The following USP8 variants were observed in gnomAD, a reference collection of about 807,000 sequenced individuals.
USP8 encodes the protein ubiquitin carboxyl-terminal hydrolase 8.
USP8 carries 27 observed loss-of-function variants against 130.0 expected under a neutral mutation model. The observed-to-expected ratio is 0.21, with a 90% CI of 0.15 to 0.29. The LOEUF (loss-of-function observed/expected upper bound fraction) is 0.29. USP8 is among the 10% of genes least tolerant of loss of function. The pLI, the probability that USP8 is intolerant of heterozygous loss-of-function variation, is 1.00. For synonymous variants in USP8, 392 were observed against 444.1 expected (o/e 0.88, Z 1.48); for missense variants, 1,029 against 1,312.2 (o/e 0.78, Z 3.33).
chr15:50,462,148 G>A lies in USP8; in HGVS notation c.499-132G>A, dbSNP rs543938350. On this transcript the variant is annotated intron_variant, in intron 5 of 19. Transcript: ENST00000307179. ...TTTAATATCATTATTATTCGTCTGC[G>A]TTTTTATAAAAGGCCAGTACTCTGC... 2.6e-3 allele frequency: 1,664 copies of A among 645,214 alleles called. 6 individuals are homozygous for A. The highest frequency in any genetic ancestry group is 2.6e-3 in the Non-Finnish European group (1,013 of 388,752). 40.0% of individuals were successfully genotyped at this position (645,214 alleles called of 1,614,324 possible).
In USP8 at chr15:50,455,680, G is replaced by A. The variant is rs188748308; in HGVS notation, c.336-3320G>A. ...TCTGAATAGTTTTGTTGTTGTTGTT[G>A]TTGTTGTTTTGTCCCACTAGGCAGT... On this transcript the variant is annotated intron_variant, in intron 4 of 19. Transcript: ENST00000307179. 1.7e-4 allele frequency among the ~76,000 whole-genome samples: 26 copies of A among 152,224 alleles called. No homozygotes were observed. In the East Asian group the frequency reaches 5.0e-3, roughly 29 times the overall value.
chr15:50,430,104 T>G (rs2141244367), intron 1 of USP8, among the ~76,000 whole-genome samples: 1 of 152,294 alleles, frequency 6.6e-6, no homozygotes, highest in East Asian at 1.9e-4. Context: ...AGGCAGAAAC[T>G]TTATTAAGAG....
intron 7 of USP8, 137 bp from the exon 8 acceptor site, chr15:50,471,496 A>G: frequency 1.2e-6 from 1 of 819,130 alleles, no homozygotes; most frequent in Non-Finnish European, 1.9e-6. Context: ...TTAATATATA[A>G]CCTCACCTTA....
chr15:50,434,118 T>TGTTTTGTTTC (rs1417196230), intron 1 of USP8, among the ~76,000 whole-genome samples: 1 of 151,946 alleles, frequency 6.6e-6, no homozygotes, highest in African/African-American at 2.4e-5. Context: ...TGTTTTGTTT[T>TGTTTTGTTTC]GTTTTGTTTT....
chr15:50,494,043 C>A, intron 15 of USP8, 27 bp from the exon 16 acceptor site: 1 of 1,591,374 alleles, frequency 6.3e-7, no homozygotes, highest in Non-Finnish European at 8.5e-7. Flanking sequence ...CCTTTATTGT[C>A]TTTTGTAACA....
At chr15:50,436,386 CTT>C (rs1298563155) in intron 1 of USP8, among the ~76,000 whole-genome samples, 1 of 152,122 alleles carries the variant, frequency 6.6e-6, no homozygotes, top group Non-Finnish European at 1.5e-5. Context: ...AATCTTCTCT[CTT>C]AATTTTTCTT....
intron 9 of USP8, 109 bp downstream of exon 9, chr15:50,477,102 G>T: frequency 2.1e-6 from 3 of 1,450,164 alleles, no homozygotes; most frequent in Non-Finnish European, 1.9e-6. Context: ...TTAGAGAGCA[G>T]TTTGTTTTCA....
At position 50,462,305 on chromosome 15, in the gene USP8, G is replaced by T; in HGVS notation, c.524G>T (p.Cys175Phe). The T allele has an allele frequency of 1.2e-6, 2 of 1,602,086 alleles. No homozygotes were observed. Among genetic ancestry groups the T allele is most frequent in the Admixed American group, 1.8e-5 (1 of 56,678 alleles). Residue 175 changes from cysteine (C) to phenylalanine (F), a missense_variant, in exon 6 of 20, where the codon TGT becomes TTT. Cys to Phe is a radical substitution (Grantham distance 205). Around this residue, in one of 4 missense-constraint regions of USP8, gnomAD observed 281 missense variants for 336.7 expected, o/e 0.83. Coordinates refer to ENST00000307179, the MANE Select transcript of USP8 (RefSeq NM_005154.5). ...QKSNGEKNEK[C>F]ETKEKGAITA... ...AGCAATGGTGAAAAGAATGAAAAAT[G>T]TGAGACCAAAGAGAAAGGTAAGTGT...
Position 50,500,684 on chromosome 15 carries a change from G to T in USP8, c.*1596G>T. The T allele has an allele frequency of 1.5e-6, 2 of 1,324,426 alleles. No individual in the cohort carries two copies. Among genetic ancestry groups the T allele is most frequent in the Non-Finnish European group, 2.1e-6 (2 of 942,850 alleles). The allele number at this position is 1,324,426 out of a possible 1,614,324, so 82.0% of individuals were successfully genotyped here. A position where few individuals can be genotyped will look rare whatever the true frequency, so the allele number is the denominator to read the frequency against. ...CGCTTTTGTATTGGTATGGAAAAGG[G>T]CTGGCAGCTATAGAACAGGAGATCC... On this transcript the variant is annotated 3_prime_UTR_variant, in exon 20 of 20. Transcript: ENST00000307179.
intron 7 of USP8, among the ~76,000 whole-genome samples, chr15:50,470,840 C>T (rs1212361991): frequency 6.6e-6 from 1 of 151,848 alleles, no homozygotes; most frequent in Non-Finnish European, 1.5e-5. Context: ...TCAGGTGATC[C>T]ACCCGCCTCA....
At chr15:50,461,763 G>A (rs900826733) in intron 5 of USP8, among the ~76,000 whole-genome samples, 2 of 151,486 alleles carry the variant, frequency 1.3e-5, no homozygotes, top group Admixed American at 6.6e-5. Flanking sequence ...TGAGGCAGGA[G>A]AATTGCTTGA....
chr15:50,498,800 C>T lies in USP8; in HGVS notation c.3171+72C>T. 4.5e-6 allele frequency: 7 copies of T among 1,553,582 alleles called. No individual in the cohort carries two copies. The South Asian group carries it at 4.9e-5, about 11-fold the overall frequency. The stretch of plus-strand genomic sequence containing the variant: ...AAAAAAAGTTTTAAGTGGTTTCCTA[C>T]CTCATGGAAGAGTAAGAACAACATA... On this transcript the variant is annotated intron_variant, in intron 19 of 19. Coordinates refer to ENST00000307179, the MANE Select transcript of USP8 (RefSeq NM_005154.5).
At chr15:50,463,451 A>G (rs900160199) in intron 6 of USP8, 1 of 152,236 alleles carries the variant, frequency 6.6e-6, no homozygotes, top group Non-Finnish European at 1.5e-5. Flanking sequence ...TAGTACTTGG[A>G]TCAGAGAAAA....
chr15:50,462,331 G>T lies in USP8; in HGVS notation c.541+9G>T. The T allele has an allele frequency of 6.3e-7, 1 of 1,595,902 alleles. No individual in the cohort carries two copies. Among genetic ancestry groups the T allele is most frequent in the Non-Finnish European group, 8.5e-7 (1 of 1,174,648 alleles). On this transcript the variant is annotated intron_variant, in intron 6 of 19. Coordinates refer to ENST00000307179, the MANE Select transcript of USP8 (RefSeq NM_005154.5). ...TGAGACCAAAGAGAAAGGTAAGTGT[G>T]TACAGAAGGAGGAAGTTGTTTTAGG...
Position 50,494,190 on chromosome 15 carries a change from G to A in USP8, c.2568G>A (p.Lys856=), listed in dbSNP as rs772158668. Residue 856 remains lysine (K), a synonymous_variant, in exon 16 of 20, where the codon AAG becomes AAA. Transcript: ENST00000307179. ...SPKDFKITIG[K]INDQFAGYSQ... The stretch of plus-strand genomic sequence containing the variant: ...AGGACTTTAAAATCACCATTGGGAA[G>A]ATCAATGACCAGTTTGCAGGATACA... 4 of 1,613,930 alleles carry A rather than the reference G, an allele frequency of 2.5e-6. 1 individual carries two copies. The highest frequency in any genetic ancestry group is 2.2e-5 in the South Asian group (2 of 91,036).
At chr15:50,477,741 T>C (rs1160320024) in intron 10 of USP8, among the ~76,000 whole-genome samples, 1 of 151,410 alleles carries the variant, frequency 6.6e-6, no homozygotes, top group African/African-American at 2.4e-5. Context: ...TTTGGGAGGC[T>C]GAGGCATGAG....
intron 1 of USP8, among the ~76,000 whole-genome samples, chr15:50,428,282 A>G (rs2049811841): frequency 6.6e-6 from 1 of 151,804 alleles, no homozygotes; most frequent in Non-Finnish European, 1.5e-5. Flanking sequence ...ACGCCCAGCT[A>G]ATTTTTTGTG....
intron 10 of USP8, among the ~76,000 whole-genome samples, chr15:50,479,326 G>T (rs1276142035): frequency 6.6e-6 from 1 of 152,174 alleles, no homozygotes; most frequent in Non-Finnish European, 1.5e-5. Flanking sequence ...ATGACCAAAG[G>T]CATAGGGCAT....
chr15:50,466,675 G>C (rs1158154972), intron 7 of USP8: 1 of 180,280 alleles, frequency 5.5e-6, no homozygotes, highest in Non-Finnish European at 1.2e-5. Flanking sequence ...GCCCGCTCCT[G>C]CTCCTGCTGT....
Sources: allele counts gnomAD v4.1 joint callset (sites outside exome capture counted in the v4.1 genomes callset), GRCh38; gene constraint gnomAD v4.1.1; regional missense constraint gnomAD v4.1.1; transcripts MANE v1.5; gene names NCBI Gene and HGNC (gene_info 2026-07-23, HGNC 2026-07-21).